Variants in GRM8 observed in about 807,000 individuals in gnomAD.
GRM8 encodes metabotropic glutamate receptor 8.
In GRM8, 47 loss-of-function variants were observed where a neutral mutation model predicts 87.2. The observed-to-expected ratio is 0.54, with a 90% confidence interval of 0.43 to 0.69. The LOEUF is 0.69. Ranked by LOEUF, GRM8 falls within the 30% of genes least tolerant of loss-of-function variation. The probability of loss-of-function intolerance (pLI) is 0.00; values close to 1 mark genes in which losing one functional copy is unlikely to be tolerated. For missense variants in GRM8, 1,019 were observed against 1,139.2 expected (o/e 0.89, Z 1.52); for synonymous variants, 396 against 404.5 (o/e 0.98, Z 0.25).
At chr7:126,609,175 A>T (rs1563007361) in intron 8 of GRM8, among the ~76,000 whole-genome samples, 187 bp downstream of exon 8, 1 of 147,146 alleles carries the variant, frequency 6.8e-6, no homozygotes, top group African/African-American at 2.5e-5. Context: ...TACAGATATC[A>T]GGAGATTTCT....
intron 6 of GRM8, among the ~76,000 whole-genome samples, chr7:126,884,331 C>A (rs1319364320): frequency 6.6e-6 from 1 of 151,982 alleles, no homozygotes; most frequent in African/African-American, 2.4e-5. Context: ...AGATCAATTG[C>A]ATAAACCTTT....
Position 126,526,312 on chromosome 7 carries a change from G to A in GRM8, c.2430+6640C>T, listed in dbSNP as rs564138749. On this transcript the variant is annotated intron_variant, in intron 9 of 10. Transcript: ENST00000339582. ...CTAAAGCATTTTAACATAAAGTCAT[G>A]GTCACTGAAATCTGAAAATATTCAC... 8.1e-4 allele frequency among the ~76,000 whole-genome samples: 124 copies of A among 152,248 alleles called. 1 individual carries two copies. In the South Asian group the frequency reaches 0.025, roughly 31 times the overall value.
chr7:126,719,996 T>A (rs1812194878), intron 7 of GRM8, among the ~76,000 whole-genome samples: 1 of 152,056 alleles, frequency 6.6e-6, no homozygotes, highest in Admixed American at 6.6e-5. Flanking sequence ...ATTTATAATG[T>A]CTCTAGTAAG....
At chr7:127,141,347 A>T (rs1828245860) in intron 2 of GRM8, among the ~76,000 whole-genome samples, 1 of 151,602 alleles carries the variant, frequency 6.6e-6, no homozygotes, top group Non-Finnish European at 1.5e-5. Flanking sequence ...AGATGCTAGA[A>T]TTCATGTTCA....
intron 8 of GRM8, among the ~76,000 whole-genome samples, chr7:126,563,479 T>C (rs1390744842): frequency 6.6e-6 from 1 of 152,148 alleles, no homozygotes; most frequent in East Asian, 1.9e-4. Context: ...CTTTACATTC[T>C]AAGAGGAGTC....
At chr7:127,249,450 G>A (rs1361407063) in intron 1 of GRM8, among the ~76,000 whole-genome samples, 2 of 152,172 alleles carry the variant, frequency 1.3e-5, no homozygotes, top group African/African-American at 4.8e-5. Context: ...CATTAATAAT[G>A]GTTAAGGCTA....
rs577493102 is a variant in GRM8 at position 127,248,541 on chromosome 7, G to A, written c.-312+4256C>T. Among the ~76,000 whole-genome samples the A allele has an allele frequency of 6.6e-5, 10 of 152,292 alleles. No individual in the cohort carries two copies. In the East Asian group the frequency reaches 1.9e-3, roughly 29 times the overall value. ...AGTCTTACTTCCCCCAGTACTCACT[G>A]TATAGCACTGGGCAAGTCACTTAAC... On this transcript the variant is annotated intron_variant, in intron 1 of 10. Transcript: ENST00000339582.
chr7:126,599,274 C>T (rs1395708127), intron 8 of GRM8, among the ~76,000 whole-genome samples: 1 of 152,052 alleles, frequency 6.6e-6, no homozygotes, highest in African/African-American at 2.4e-5. Context: ...TCTATCTGGC[C>T]TGATTGCAAG....
intron 3 of GRM8, among the ~76,000 whole-genome samples, chr7:126,992,529 G>A (rs1812759713): frequency 6.6e-6 from 1 of 151,788 alleles, no homozygotes; most frequent in African/African-American, 2.4e-5. Flanking sequence ...GTAAAACTAA[G>A]GATTAAATCT....
At position 127,014,933 on chromosome 7, in the gene GRM8, GAGAGAGAGAGAA is replaced by G. The variant is rs756570588; in HGVS notation, c.727+91551_727+91562del. Among the ~76,000 whole-genome samples the G allele has an allele frequency of 2.1e-3, 289 of 139,232 alleles. 1 individual carries two copies. Among genetic ancestry groups the G allele is most frequent in the Non-Finnish European group, 3.1e-3 (206 of 65,824 alleles). 91.3% of individuals were successfully genotyped at this position (139,232 alleles called of 152,430 possible). A position where few individuals can be genotyped will look rare whatever the true frequency, so the allele number is the denominator to read the frequency against. ...GGGAGAAAGGAAAGAGAAGGAGAGAGAGAGAGAGAGAAAGAGAGAGAGAAGAAGAAGAAGAGG... is the reference window on the plus strand; with the variant it reads ...GGGAGAAAGGAAAGAGAAGGAGAGAGAGAGAGAGAGAAGAAGAAGAAGAGG... On this transcript the variant is annotated intron_variant, in intron 3 of 10. Coordinates refer to ENST00000339582, the MANE Select transcript of GRM8 (RefSeq NM_000845.3).
intron 3 of GRM8, among the ~76,000 whole-genome samples, chr7:127,044,095 G>T (rs969966538): frequency 1.1e-4 from 16 of 152,182 alleles, no homozygotes; most frequent in African/African-American, 3.4e-4. Context: ...CACTGAGCTG[G>T]CTCTCTGATG....
intron 7 of GRM8, among the ~76,000 whole-genome samples, chr7:126,631,970 G>C (rs1404695017): frequency 6.6e-6 from 1 of 151,988 alleles, no homozygotes; most frequent in Non-Finnish European, 1.5e-5. Context: ...CATAGGCATG[G>C]GCAAAGATTT....
chr7:126,750,083 A>G (rs972902696), intron 7 of GRM8, among the ~76,000 whole-genome samples: 9 of 152,292 alleles, frequency 5.9e-5, no homozygotes, highest in African/African-American at 2.2e-4. Context: ...AACTGGAAAC[A>G]ATCCAAATGT....
intron 3 of GRM8, among the ~76,000 whole-genome samples, chr7:126,919,466 A>C (rs2131349341): frequency 6.6e-6 from 1 of 152,272 alleles, no homozygotes; most frequent in East Asian, 1.9e-4. Flanking sequence ...TTCCAATTCA[A>C]AATTATAAAT....
At chr7:126,915,434 C>A (rs1206866934) in intron 3 of GRM8, among the ~76,000 whole-genome samples, 1 of 152,236 alleles carries the variant, frequency 6.6e-6, no homozygotes, top group African/African-American at 2.4e-5. Context: ...TATTCACCTG[C>A]ATTATTTCTA....
intron 6 of GRM8, among the ~76,000 whole-genome samples, chr7:126,795,527 T>C (rs1821857909): frequency 2.0e-5 from 3 of 152,142 alleles, no homozygotes; most frequent in African/African-American, 7.2e-5. Context: ...CTTTTATAAT[T>C]GGAAAATTGG....
At position 126,685,317 on chromosome 7, in the gene GRM8, G is replaced by A. The variant is rs1392597384; in HGVS notation, c.1358-75819C>T. 3.9e-5 allele frequency among the ~76,000 whole-genome samples: 6 copies of A among 152,132 alleles called. No homozygotes were observed. In the East Asian group the frequency reaches 7.7e-4, roughly 20 times the overall value. ...AGAGGGGTGACCAGAGAGGGGACTCGAGGCGGAGCCGGGCCTGGGGTGGTA... is the reference window on the plus strand; with the variant it reads ...AGAGGGGTGACCAGAGAGGGGACTCAAGGCGGAGCCGGGCCTGGGGTGGTA... On this transcript the variant is annotated intron_variant, in intron 7 of 10. Transcript: ENST00000339582. The surrounding 1 kb of genome is among the most constrained non-coding windows in gnomAD (Gnocchi z 4.2).
At chr7:127,053,663 C>T (rs1429208053) in intron 3 of GRM8, among the ~76,000 whole-genome samples, 1 of 151,534 alleles carries the variant, frequency 6.6e-6, no homozygotes, top group Admixed American at 6.6e-5. Flanking sequence ...TGGCGGGTGC[C>T]TGTAGTTCCA....
At chr7:127,040,088 GA>G (rs1818281609) in intron 3 of GRM8, among the ~76,000 whole-genome samples, 1 of 2,660 alleles carries the variant, frequency 3.8e-4, no homozygotes, top group Non-Finnish European at 9.0e-4. Context: ...GGGGAGGAGG[GA>G]GGGGAGGAGG....
Sources: allele counts gnomAD v4.1 joint callset (sites outside exome capture counted in the v4.1 genomes callset), GRCh38; gene constraint gnomAD v4.1.1; non-coding constraint Gnocchi (gnomAD v3.1); transcripts MANE v1.5; gene names NCBI Gene and HGNC (gene_info 2026-07-23, HGNC 2026-07-21).